The following PKNOX2 variants were observed in gnomAD, a reference collection of about 807,000 sequenced individuals.
PKNOX2 encodes homeobox protein PKNOX2.
A neutral mutation model predicts 53.1 loss-of-function variants in PKNOX2; 14 were observed. The observed-to-expected ratio is 0.26, with a 90% CI of 0.17 to 0.41. PKNOX2 has a LOEUF of 0.41. Ranked by LOEUF, PKNOX2 falls within the 10% of genes least tolerant of loss-of-function variation. The probability of loss-of-function intolerance (pLI) is 1.00; values close to 1 mark genes in which losing one functional copy is unlikely to be tolerated. For missense variants in PKNOX2, 496 were observed against 602.8 expected (o/e 0.82, Z 1.85); for synonymous variants, 257 against 242.8 (o/e 1.06, Z -0.54).
chr11:125,223,736 C>T lies in PKNOX2; in HGVS notation c.-200-11309C>T, dbSNP rs571935289. Reference sequence around the variant, plus strand: ...AAAAACAAAAAAAAACAACTGTCCTCTTTCCTCCAGTATTTTTATACTACG... The same window carrying T: ...AAAAACAAAAAAAAACAACTGTCCTTTTTCCTCCAGTATTTTTATACTACG... On this transcript the variant is annotated intron_variant, in intron 1 of 12. Coordinates refer to ENST00000298282, the MANE Select transcript of PKNOX2 (RefSeq NM_001382323.2). 3.9e-5 allele frequency among the ~76,000 whole-genome samples: 6 copies of T among 152,300 alleles called. No individual in the cohort carries two copies. The South Asian group carries it at 1.2e-3, about 32-fold the overall frequency.
At chr11:125,211,531 G>T (rs763919586) in intron 1 of PKNOX2, among the ~76,000 whole-genome samples, 1 of 152,134 alleles carries the variant, frequency 6.6e-6, no homozygotes, top group Non-Finnish European at 1.5e-5. Flanking sequence ...AAACAAAGCA[G>T]GTCTCTGGCA....
chr11:125,257,572 C>A (rs1326911355), intron 2 of PKNOX2, among the ~76,000 whole-genome samples: 3 of 152,204 alleles, frequency 2.0e-5, no homozygotes, highest in East Asian at 3.8e-4. Context: ...TGACATTGGG[C>A]AGTTAGTAAC....
chr11:125,252,093 G>A (rs960063454), intron 2 of PKNOX2, among the ~76,000 whole-genome samples: 4 of 152,166 alleles, frequency 2.6e-5, no homozygotes, highest in Admixed American at 6.5e-5. Context: ...AGGCCACAGC[G>A]CTCGTCAAGC....
At chr11:125,265,128 A>G (rs1158314534) in intron 2 of PKNOX2, among the ~76,000 whole-genome samples, 1 of 152,042 alleles carries the variant, frequency 6.6e-6, no homozygotes, top group Non-Finnish European at 1.5e-5. Context: ...CTCTACTAAA[A>G]ATACAAAAAT....
intron 2 of PKNOX2, among the ~76,000 whole-genome samples, chr11:125,252,476 A>C (rs2135683785): frequency 6.6e-6 from 1 of 152,322 alleles, no homozygotes; most frequent in South Asian, 2.1e-4. Flanking sequence ...CTGTTGCCAG[A>C]GATTATGATG....
chr11:125,425,904 G>A lies in PKNOX2; in HGVS notation c.937-3108G>A, dbSNP rs188645407. Among the ~76,000 whole-genome samples, 19 of 57,084 alleles carry A rather than the reference G, an allele frequency of 3.3e-4. No homozygotes were observed. In the South Asian group the frequency reaches 5.9e-3, roughly 18 times the overall value. The allele number at this position is 57,084 out of a possible 152,430, so 37.4% of individuals were successfully genotyped here. On this transcript the variant is annotated intron_variant, in intron 10 of 12. Transcript: ENST00000298282. ...CTTACCCCACAGCCCCACAGCGTGC[G>A]TCCTGAGATACTGGACGTCCAGGAG... is the stretch of plus-strand genomic sequence containing the variant.
chr11:125,184,613 C>T (rs1318039593), intron 1 of PKNOX2, among the ~76,000 whole-genome samples: 1 of 152,212 alleles, frequency 6.6e-6, no homozygotes, highest in African/African-American at 2.4e-5. Flanking sequence ...TCTAGGGGAG[C>T]ATAGCCTGCA....
intron 1 of PKNOX2, among the ~76,000 whole-genome samples, chr11:125,193,170 A>T (rs1956981619): frequency 6.6e-6 from 1 of 152,184 alleles, no homozygotes; most frequent in Non-Finnish European, 1.5e-5. Context: ...CCCTCAAAAC[A>T]TTTCTCCAAG....
intron 2 of PKNOX2, among the ~76,000 whole-genome samples, chr11:125,270,588 G>A (rs1945715542): frequency 6.6e-6 from 1 of 152,112 alleles, no homozygotes; most frequent in South Asian, 2.1e-4. Context: ...ATTCTTTCAT[G>A]GGGTGGAGAA....
chr11:125,228,799 T>C (rs1490118920), intron 1 of PKNOX2, among the ~76,000 whole-genome samples: 1 of 152,228 alleles, frequency 6.6e-6, no homozygotes, highest in Non-Finnish European at 1.5e-5. Context: ...GTTTTATTGC[T>C]GGTCTGATGG....
chr11:125,179,529 G>A (rs975838798), intron 1 of PKNOX2, among the ~76,000 whole-genome samples: 1 of 152,172 alleles, frequency 6.6e-6, no homozygotes, highest in Admixed American at 6.5e-5. Context: ...CGGCAGGGAG[G>A]AAGGGCTGTG....
intron 2 of PKNOX2, chr11:125,258,711 G>A (rs1944599112): frequency 5.0e-6 from 1 of 201,772 alleles, no homozygotes; most frequent in Non-Finnish European, 1.1e-5. Context: ...AGAGGAAATG[G>A]CAGGGGAGAG....
chr11:125,381,884 G>C (rs866295384), intron 5 of PKNOX2, among the ~76,000 whole-genome samples: 3 of 152,258 alleles, frequency 2.0e-5, no homozygotes, highest in South Asian at 4.1e-4. Flanking sequence ...ATCATCCGAG[G>C]CTTAACTTAA....
chr11:125,347,031 G>A (rs1444083474), intron 3 of PKNOX2, among the ~76,000 whole-genome samples: 1 of 152,162 alleles, frequency 6.6e-6, no homozygotes, highest in Non-Finnish European at 1.5e-5. Flanking sequence ...TCACTTCCCC[G>A]GGGCTGAGAA....
At chr11:125,236,356 G>A (rs1009870977) in intron 2 of PKNOX2, among the ~76,000 whole-genome samples, 66 of 122,464 alleles carry the variant, frequency 5.4e-4, no homozygotes, top group Non-Finnish European at 1.1e-4. Context: ...CCTCCATCCT[G>A]TTCCAGGAAA....
At chr11:125,230,663 T>C (rs894100799) in intron 1 of PKNOX2, among the ~76,000 whole-genome samples, 3 of 152,206 alleles carry the variant, frequency 2.0e-5, no homozygotes, top group Admixed American at 6.5e-5. Context: ...TGGGCAAGAA[T>C]AGGAAAACTT....
chr11:125,206,105 T>C (rs1939068556), intron 1 of PKNOX2, among the ~76,000 whole-genome samples: 1 of 151,968 alleles, frequency 6.6e-6, no homozygotes, highest in Admixed American at 6.6e-5. Flanking sequence ...CTCACTGTGT[T>C]CCAGGCACTG....
At chr11:125,266,586 T>C (rs1219604959) in intron 2 of PKNOX2, 3 of 152,176 alleles carry the variant, frequency 2.0e-5, no homozygotes, top group Admixed American at 6.5e-5. Context: ...GACAATCTCA[T>C]TTCAGTTTGC....
chr11:125,360,020 G>A lies in PKNOX2; in HGVS notation c.88-7826G>A, dbSNP rs1042453925. Among the ~76,000 whole-genome samples the A allele has an allele frequency of 5.9e-5, 9 of 152,136 alleles. No individual in the cohort carries two copies. In the South Asian group the frequency reaches 8.3e-4, roughly 14 times the overall value. On this transcript the variant is annotated intron_variant, in intron 4 of 12. Coordinates refer to ENST00000298282, the MANE Select transcript of PKNOX2 (RefSeq NM_001382323.2). ...ATTACAGGCGTGAGCCACCATGCCC[G>A]GTGTAATCCCAGCTATACGGGAGGC...
Sources: gnomAD v4.1 joint callset for allele counts (sites outside exome capture counted in the v4.1 genomes callset) on GRCh38, gnomAD v4.1.1 for gene constraint, MANE v1.5 for transcripts, NCBI Gene and HGNC (gene_info 2026-07-23, HGNC 2026-07-21) for gene names.